NGLY1: variants seen among roughly 807,000 people sequenced by gnomAD.
The protein encoded by NGLY1 is peptide-N(4)-(N-acetyl-beta-glucosaminyl)asparagine amidase.
A neutral mutation model predicts 84.6 loss-of-function variants in NGLY1; 68 were observed. That is an observed-to-expected ratio of 0.80 (90% CI 0.66 to 0.98). The LOEUF is 0.98. Among genes scored for constraint, NGLY1 ranks in the 50% least tolerant of loss-of-function variants. The probability of loss-of-function intolerance (pLI) is 0.00; values close to 1 mark genes in which losing one functional copy is unlikely to be tolerated. For synonymous variants in NGLY1, 280 were observed against 275.2 expected, an observed-to-expected ratio of 1.02 and a Z score of -0.17; for missense variants, 779 against 770.2, an observed-to-expected ratio of 1.01 and a Z score of -0.14.
At chr3:25,722,061 T>C (rs1705021979) in intron 10 of NGLY1, among the ~76,000 whole-genome samples, 1 of 151,584 alleles carries the variant, frequency 6.6e-6, no homozygotes, top group African/African-American at 2.4e-5. Context: ...CTACTAAAAA[T>C]ACCAAAATTA....
intron 4 of NGLY1, 62 bp from the exon 5 acceptor site, chr3:25,739,861 A>G (rs1706041621): frequency 2.4e-6 from 3 of 1,229,016 alleles, no homozygotes; most frequent in Middle Eastern, 2.1e-4. Context: ...CTATCCAAAC[A>G]TATTTATTCT....
At chr3:25,724,850 C>T (rs2125451467) in intron 10 of NGLY1, among the ~76,000 whole-genome samples, 1 of 152,322 alleles carries the variant, frequency 6.6e-6, no homozygotes, top group South Asian at 2.1e-4. Flanking sequence ...CCTTCTCTGA[C>T]TCAGTGTGAT....
intron 2 of NGLY1, among the ~76,000 whole-genome samples, chr3:25,765,453 C>CAAAA (rs939891781): frequency 1.7e-5 from 1 of 58,258 alleles, no homozygotes. Context: ...GACTCAGTCT[C>CAAAA]AAAAAAAAAA....
At chr3:25,749,428 G>A (rs749639313) in intron 4 of NGLY1, 1 of 957,884 alleles carries the variant, frequency 1.0e-6, no homozygotes, top group Non-Finnish European at 1.6e-6. Context: ...TAAAAAGGAA[G>A]GAAGCTCTCT....
chr3:25,742,370 T>C (rs1559539459), intron 4 of NGLY1, among the ~76,000 whole-genome samples: 1 of 152,286 alleles, frequency 6.6e-6, no homozygotes, highest in East Asian at 1.9e-4. Context: ...TCAAACACTA[T>C]GGAGTTAAAA....
At chr3:25,752,545 T>C (rs758841746) in intron 3 of NGLY1, among the ~76,000 whole-genome samples, 2 of 150,042 alleles carry the variant, frequency 1.3e-5, no homozygotes, top group African/African-American at 2.5e-5. Context: ...AACATTAAAA[T>C]AAAGAAGAAG....
intron 4 of NGLY1, among the ~76,000 whole-genome samples, chr3:25,742,769 C>T (rs1046600779): frequency 6.7e-6 from 1 of 149,878 alleles, no homozygotes; most frequent in East Asian, 2.0e-4. Flanking sequence ...AAATAAAATT[C>T]AAAGTCCCAA....
chr3:25,738,511 G>A (rs1705956650), intron 5 of NGLY1, among the ~76,000 whole-genome samples: 1 of 152,108 alleles, frequency 6.6e-6, no homozygotes, highest in South Asian at 2.1e-4. Context: ...TGCTTTGGAA[G>A]GAAAGGAAAC....
At chr3:25,765,549 G>C (rs1365361012) in intron 2 of NGLY1, among the ~76,000 whole-genome samples, 1 of 151,754 alleles carries the variant, frequency 6.6e-6, no homozygotes, top group Middle Eastern at 3.4e-3. Context: ...CAATATTACT[G>C]TATTTCCCTG....
intron 3 of NGLY1, among the ~76,000 whole-genome samples, chr3:25,752,556 C>G (rs992531415): frequency 2.0e-5 from 3 of 151,868 alleles, no homozygotes; most frequent in East Asian, 3.9e-4. Context: ...AAAGAAGAAG[C>G]CAGGCACTTT....
chr3:25,767,291 C>CA lies in NGLY1; in HGVS notation c.247-2981dup, dbSNP rs545173545. Among the ~76,000 whole-genome samples, 572 of 89,278 alleles carry CA rather than the reference C, an allele frequency of 6.4e-3. 4 individuals are homozygous for CA. Among genetic ancestry groups the CA allele is most frequent in the East Asian group, 0.056 (184 of 3,314 alleles). The allele number at this position is 89,278 out of a possible 152,430, so 58.6% of individuals were successfully genotyped here. A position where few individuals can be genotyped will look rare whatever the true frequency, so the allele number is the denominator to read the frequency against. On this transcript the variant is annotated intron_variant, in intron 2 of 11. Transcript: ENST00000280700. ...TGGGCGATAGAACTAGACTCCGTCT[C>CA]AAAAAAAAAAAAAAAGAAATCAAAA...
chr3:25,779,024 C>G (rs1483056860), intron 1 of NGLY1, among the ~76,000 whole-genome samples: 1 of 150,354 alleles, frequency 6.7e-6, no homozygotes, highest in African/African-American at 2.5e-5. Flanking sequence ...CAGCCTCCAC[C>G]TCCCAGGTTC....
upstream of NGLY1, among the ~76,000 whole-genome samples, chr3:25,786,499 G>T (rs996267134): frequency 6.6e-6 from 1 of 152,148 alleles, no homozygotes; most frequent in Non-Finnish European, 1.5e-5. Flanking sequence ...ACAACGATGG[G>T]TATAAAAGTT....
chr3:25,729,267 G>A lies in NGLY1; in HGVS notation c.1477C>T (p.Leu493Phe). The A allele has an allele frequency of 6.5e-7, 1 of 1,530,604 alleles. No homozygotes were observed. Among genetic ancestry groups the A allele is most frequent in the Non-Finnish European group, 8.8e-7 (1 of 1,132,918 alleles). The allele number at this position is 1,530,604 out of a possible 1,614,324, so 94.8% of individuals were successfully genotyped here. The change falls in exon 10 of 12, where the codon CTC becomes TTC. Residue 493 changes from leucine (L) to phenylalanine (F), a missense_variant. Transcript: ENST00000280700. ...PCENEKISKQLHLCYNIVKDR... is the reference protein window; with the variant it reads ...PCENEKISKQFHLCYNIVKDR... ...TTCACAATATTGTAACAAAGGTGGA[G>A]CTGTTTAGAAATCTTCTCATTTTCA...
Position 25,729,114 on chromosome 3 carries a change from G to C in NGLY1, c.1611+19C>G, listed in dbSNP as rs1705408052. 1.4e-6 allele frequency: 2 copies of C among 1,398,478 alleles called. No individual in the cohort carries two copies. Among genetic ancestry groups the C allele is most frequent in the East Asian group, 2.6e-5 (1 of 37,866 alleles). 86.6% of individuals were successfully genotyped at this position (1,398,478 alleles called of 1,614,324 possible). On this transcript the variant is annotated intron_variant, in intron 10 of 11. Coordinates refer to ENST00000280700, the MANE Select transcript of NGLY1 (RefSeq NM_018297.4). ...TAAACAATGACAAAAGTTTTAAATG[G>C]TTTTATGCATTAAGTTACCATGTGC...
intron 2 of NGLY1, among the ~76,000 whole-genome samples, chr3:25,765,125 A>G (rs926576794): frequency 1.1e-4 from 16 of 152,262 alleles, no homozygotes; most frequent in African/African-American, 3.6e-4. Context: ...TATTGAAAAG[A>G]AACAATGTTA....
At chr3:25,772,904 T>C (rs114320425) in intron 2 of NGLY1, among the ~76,000 whole-genome samples, 3,332 of 152,310 alleles carry the variant, frequency 0.022, 138 homozygotes, top group African/African-American at 0.076. Context: ...TTTTGCTGGA[T>C]GCAAAATTCT....
At chr3:25,745,090 C>G (rs1026379836) in intron 4 of NGLY1, among the ~76,000 whole-genome samples, 2 of 152,170 alleles carry the variant, frequency 1.3e-5, no homozygotes, top group Non-Finnish European at 2.9e-5. Context: ...ACTTGTTACT[C>G]TTCCTCTTCC....
intron 2 of NGLY1, among the ~76,000 whole-genome samples, chr3:25,776,812 T>C (rs941420772): frequency 6.6e-6 from 1 of 152,174 alleles, no homozygotes; most frequent in South Asian, 2.1e-4. Context: ...CCTGGATCCA[T>C]CTACTTCTCT....
Sources: gnomAD v4.1 joint callset for allele counts (sites outside exome capture counted in the v4.1 genomes callset) on GRCh38, gnomAD v4.1.1 for gene constraint, MANE v1.5 for transcripts, NCBI Gene and HGNC (gene_info 2026-07-23, HGNC 2026-07-21) for gene names.